The following PAPPA variants were observed in gnomAD, a reference collection of about 807,000 sequenced individuals.
The protein encoded by PAPPA is pappalysin-1.
PAPPA carries 60 observed loss-of-function variants against 164.0 expected under a neutral mutation model. That is an observed-to-expected ratio of 0.37 (90% CI 0.30 to 0.45). The LOEUF (loss-of-function observed/expected upper bound fraction) is 0.45, where lower values mean the gene tolerates loss of function less well. Among genes scored for constraint, PAPPA ranks in the 20% least tolerant of loss-of-function variants. The pLI is 1.00. For synonymous variants in PAPPA, 875 were observed against 814.1 expected, an observed-to-expected ratio of 1.07 and a Z score of -1.27; for missense variants, 1,782 against 2,087.3, an observed-to-expected ratio of 0.85 and a Z score of 2.85.
chr9:116,312,404 A>C (rs1845731583), intron 10 of PAPPA, among the ~76,000 whole-genome samples: 1 of 151,884 alleles, frequency 6.6e-6, no homozygotes, highest in Admixed American at 6.6e-5. Flanking sequence ...ACATGTAAAA[A>C]ATGTAAACAG....
chr9:116,311,269 A>C (rs950399586), intron 10 of PAPPA, among the ~76,000 whole-genome samples: 3 of 152,150 alleles, frequency 2.0e-5, no homozygotes, highest in African/African-American at 7.2e-5. Context: ...TTCTGGGTCC[A>C]AAGCATCATT....
intron 10 of PAPPA, among the ~76,000 whole-genome samples, chr9:116,307,352 C>T (rs577898905): frequency 2.6e-4 from 39 of 152,226 alleles, no homozygotes; most frequent in South Asian, 1.2e-3. Flanking sequence ...GTAATTCCAG[C>T]GCTTTGGGAG....
intron 10 of PAPPA, among the ~76,000 whole-genome samples, chr9:116,320,273 T>C (rs986455463): frequency 6.6e-6 from 1 of 152,030 alleles, no homozygotes; most frequent in African/African-American, 2.4e-5. Flanking sequence ...GCCTGAAGGG[T>C]ATGAGACCCC....
At chr9:116,353,342 ACT>A (rs1176086987) in intron 16 of PAPPA, among the ~76,000 whole-genome samples, 2 of 152,166 alleles carry the variant, frequency 1.3e-5, no homozygotes, top group East Asian at 3.9e-4. Flanking sequence ...ACATCAGAAC[ACT>A]CTGCAAAAAA....
intron 21 of PAPPA, among the ~76,000 whole-genome samples, chr9:116,387,541 T>A (rs1477599832): frequency 6.6e-6 from 1 of 152,144 alleles, no homozygotes; most frequent in African/African-American, 2.4e-5. Flanking sequence ...ACCATGCTAA[T>A]TTTCATATTT....
At chr9:116,182,299 CTTTT>C (rs939822018) in intron 1 of PAPPA, among the ~76,000 whole-genome samples, 3 of 152,268 alleles carry the variant, frequency 2.0e-5, no homozygotes, top group Non-Finnish European at 2.9e-5. Flanking sequence ...TTCTTTCTTT[CTTTT>C]TAACTTTCAA....
At chr9:116,366,957 A>G (rs996077837) in intron 18 of PAPPA, among the ~76,000 whole-genome samples, 1 of 152,132 alleles carries the variant, frequency 6.6e-6, no homozygotes, top group Admixed American at 6.5e-5. Flanking sequence ...AGAAGCTGGT[A>G]TTGCATTTAT....
intron 9 of PAPPA, among the ~76,000 whole-genome samples, chr9:116,275,119 C>T (rs574817950): frequency 3.3e-5 from 5 of 152,292 alleles, no homozygotes; most frequent in Admixed American, 6.5e-5. Context: ...GTGTTCCATA[C>T]GTAACCAATA....
At chr9:116,225,356 G>C (rs1260144423) in intron 5 of PAPPA, among the ~76,000 whole-genome samples, 2 of 152,192 alleles carry the variant, frequency 1.3e-5, no homozygotes, top group Non-Finnish European at 2.9e-5. Flanking sequence ...GCTACTCCAA[G>C]AGTAACTCAT....
chr9:116,240,596 A>G, intron 7 of PAPPA, among the ~76,000 whole-genome samples: 1 of 152,228 alleles, frequency 6.6e-6, no homozygotes. Flanking sequence ...AGCTTGTACT[A>G]TGTGTCAAGC....
chr9:116,247,227 A>G (rs539037323), intron 7 of PAPPA, among the ~76,000 whole-genome samples: 1 of 152,266 alleles, frequency 6.6e-6, no homozygotes, highest in Middle Eastern at 3.4e-3. Context: ...ATTAATATCA[A>G]TTCTGAGAGG....
At chr9:116,279,238 A>C (rs1845238398) in intron 9 of PAPPA, among the ~76,000 whole-genome samples, 2 of 152,124 alleles carry the variant, frequency 1.3e-5, no homozygotes, top group South Asian at 4.1e-4. Flanking sequence ...CCTTTCACCC[A>C]AAGGGTCAAA....
chr9:116,168,689 T>A (rs1441037839), intron 1 of PAPPA, among the ~76,000 whole-genome samples: 1 of 152,196 alleles, frequency 6.6e-6, no homozygotes, highest in East Asian at 1.9e-4. Context: ...TCAACACTTC[T>A]GGATTCATGC....
At chr9:116,350,716 T>A (rs1279756159) in intron 15 of PAPPA, among the ~76,000 whole-genome samples, 2 of 152,166 alleles carry the variant, frequency 1.3e-5, no homozygotes, top group East Asian at 3.9e-4. Context: ...CCCACTAACC[T>A]TGTGCATTAG....
chr9:116,376,863 G>A (rs1846660623), intron 19 of PAPPA, among the ~76,000 whole-genome samples: 1 of 152,096 alleles, frequency 6.6e-6, no homozygotes, highest in Non-Finnish European at 1.5e-5. Flanking sequence ...GTATGACACG[G>A]CAGCAGGTGA....
At chr9:116,357,870 T>G (rs1846373848) in intron 17 of PAPPA, among the ~76,000 whole-genome samples, 1 of 152,114 alleles carries the variant, frequency 6.6e-6, no homozygotes, top group African/African-American at 2.4e-5. Context: ...TTTCAGCAAC[T>G]CAGCAGGAGC....
intron 2 of PAPPA, among the ~76,000 whole-genome samples, chr9:116,195,201 C>T (rs916806902): frequency 4.6e-5 from 7 of 152,136 alleles, no homozygotes; most frequent in African/African-American, 1.7e-4. Context: ...CATACTCACA[C>T]ATATGGTTTG....
intron 9 of PAPPA, among the ~76,000 whole-genome samples, chr9:116,275,266 A>G (rs1409067293): frequency 6.6e-6 from 1 of 152,212 alleles, no homozygotes; most frequent in African/African-American, 2.4e-5. Context: ...AGCAAGTTGG[A>G]TGTGCTTGAT....
chr9:116,259,741 A>G (rs1844979296), intron 7 of PAPPA, among the ~76,000 whole-genome samples: 1 of 152,214 alleles, frequency 6.6e-6, no homozygotes, highest in Non-Finnish European at 1.5e-5. Flanking sequence ...CTTTGGCAAT[A>G]TCTAATAGTT....
Sources: allele counts gnomAD v4.1 joint callset (sites outside exome capture counted in the v4.1 genomes callset), GRCh38; gene constraint gnomAD v4.1.1; transcripts MANE v1.5; gene names NCBI Gene and HGNC (gene_info 2026-07-23, HGNC 2026-07-21).